The following SGCD variants were observed in gnomAD, a reference collection of about 807,000 sequenced individuals.
SGCD encodes delta-sarcoglycan.
SGCD carries 18 observed loss-of-function variants against 36.6 expected under a neutral mutation model. The observed-to-expected ratio is 0.49, with a 90% confidence interval of 0.34 to 0.73. The LOEUF (loss-of-function observed/expected upper bound fraction) is 0.73. SGCD is among the 30% of genes least tolerant of loss of function. SGCD has a pLI of 0.01. For missense variants in SGCD, 387 were observed against 346.7 expected (o/e 1.12, Z -0.92); for synonymous variants, 133 against 130.6 (o/e 1.02, Z -0.12).
intron 4 of SGCD, among the ~76,000 whole-genome samples, chr5:156,571,701 A>T (rs1314158551): frequency 6.6e-6 from 1 of 152,186 alleles, no homozygotes; most frequent in Non-Finnish European, 1.5e-5. Context: ...GGTAGTTAGT[A>T]TTTCTGCTTC....
intron 1 of SGCD, among the ~76,000 whole-genome samples, chr5:155,881,742 G>A (rs769104266): frequency 1.3e-5 from 2 of 152,166 alleles, no homozygotes; most frequent in Non-Finnish European, 2.9e-5. Flanking sequence ...TGATCCTCTC[G>A]AATCCTGCTG....
In SGCD at chr5:156,163,079, G is replaced by A. The variant is rs184904064; in HGVS notation, c.-44+39060G>A. Among the ~76,000 whole-genome samples the A allele has an allele frequency of 6.1e-3, 924 of 151,582 alleles. 7 individuals are homozygous for A. The highest frequency in any genetic ancestry group is 9.5e-3 in the Non-Finnish European group (648 of 68,008). On this transcript the variant is annotated intron_variant, in intron 3 of 9. Transcript: ENST00000517913. ...TTTCTTTCTTAAGGTGCATTGCAGA[G>A]ACTTTTAAATTCAATAGCCAAACAT...
chr5:155,762,127 T>G, the SGCD span, among the ~76,000 whole-genome samples: 2 of 152,184 alleles, frequency 1.3e-5, no homozygotes, highest in Non-Finnish European at 2.9e-5. Context: ...CCATGCTAAG[T>G]GTGATTATAC....
At chr5:155,982,968 T>C (rs550970245) in intron 1 of SGCD, among the ~76,000 whole-genome samples, 10 of 152,330 alleles carry the variant, frequency 6.6e-5, no homozygotes, top group African/African-American at 1.9e-4. Flanking sequence ...GGATTTTCTA[T>C]AGGCAGGATC....
intron 3 of SGCD, among the ~76,000 whole-genome samples, chr5:156,268,483 C>T (rs1766060602): frequency 6.6e-6 from 1 of 152,208 alleles, no homozygotes; most frequent in African/African-American, 2.4e-5. Flanking sequence ...TACAACCTCA[C>T]CAGCATCTGT....
intron 3 of SGCD, among the ~76,000 whole-genome samples, chr5:156,426,192 TC>T (rs1773664547): frequency 1.3e-5 from 2 of 152,070 alleles, no homozygotes; most frequent in Non-Finnish European, 2.9e-5. Flanking sequence ...GTAAAGGAGT[TC>T]CCTTTGCACC....
At chr5:156,096,566 A>G (rs563014687) in intron 1 of SGCD, among the ~76,000 whole-genome samples, 7 of 152,168 alleles carry the variant, frequency 4.6e-5, no homozygotes, top group Admixed American at 1.3e-4. Context: ...CCTTGGCCCA[A>G]TCAGGTTGTA....
chr5:156,466,120 T>A (rs1561713902), intron 3 of SGCD, among the ~76,000 whole-genome samples: 1 of 152,202 alleles, frequency 6.6e-6, no homozygotes, highest in Admixed American at 6.5e-5. Context: ...GGAAGGCAGC[T>A]TAAATTATTT....
chr5:155,939,677 A>G (rs1265862023), intron 1 of SGCD, among the ~76,000 whole-genome samples: 1 of 151,516 alleles, frequency 6.6e-6, no homozygotes, highest in Non-Finnish European at 1.5e-5. Flanking sequence ...AATGAAAAAA[A>G]TCTCATGCCC....
At chr5:155,833,895 A>C in the SGCD span, among the ~76,000 whole-genome samples, 3 of 152,218 alleles carry the variant, frequency 2.0e-5, no homozygotes, top group African/African-American at 7.2e-5. Flanking sequence ...AGAATGCAAA[A>C]TGATTAACAG....
In SGCD at chr5:156,484,921, C is replaced by A. The variant is rs186103653; in HGVS notation, c.193-23680C>A. On this transcript the variant is annotated intron_variant, in intron 3 of 8. Coordinates refer to ENST00000337851, the MANE Select transcript of SGCD (RefSeq NM_000337.6). ...TGTTGCTGGAAATGTTCCCACTGGC[C>A]AATTCATATCTCCTGAATAATAGGA... is the stretch of plus-strand genomic sequence containing the variant. 3.1e-3 allele frequency among the ~76,000 whole-genome samples: 472 copies of A among 152,082 alleles called. 4 individuals are homozygous for A. Among genetic ancestry groups the A allele is most frequent in the African/African-American group, 0.011 (450 of 41,468 alleles).
chr5:156,729,333 G>A (rs1436319279), intron 7 of SGCD, among the ~76,000 whole-genome samples: 1 of 152,148 alleles, frequency 6.6e-6, no homozygotes, highest in East Asian at 1.9e-4. Context: ...TTGACAGTAA[G>A]GCCTTAGTTT....
At chr5:156,745,176 A>G (rs562051494) in intron 7 of SGCD, among the ~76,000 whole-genome samples, 3 of 152,304 alleles carry the variant, frequency 2.0e-5, no homozygotes, top group South Asian at 4.1e-4. Context: ...CCAAAGCCTC[A>G]GTGTAAGGGT....
intron 1 of SGCD, among the ~76,000 whole-genome samples, chr5:156,071,292 A>C (rs1760553427): frequency 6.6e-6 from 1 of 152,068 alleles, no homozygotes; most frequent in Non-Finnish European, 1.5e-5. Context: ...CCCTCTACAC[A>C]CTGCTTTGAA....
chr5:155,994,036 A>G (rs1401226366), intron 1 of SGCD, among the ~76,000 whole-genome samples: 1 of 152,198 alleles, frequency 6.6e-6, no homozygotes, highest in African/African-American at 2.4e-5. Context: ...TGGAAAATAC[A>G]ATCTGTCCCC....
chr5:156,463,765 C>T (rs899962335), intron 3 of SGCD, among the ~76,000 whole-genome samples: 7 of 152,038 alleles, frequency 4.6e-5, no homozygotes, highest in East Asian at 3.9e-4. Context: ...GAGGCCCAGA[C>T]GGGAGGATTG....
intron 3 of SGCD, among the ~76,000 whole-genome samples, chr5:156,437,448 T>C (rs1753290593): frequency 6.6e-6 from 1 of 152,154 alleles, no homozygotes; most frequent in African/African-American, 2.4e-5. Context: ...CAGTCTTATT[T>C]TGAAATCACG....
rs1198904722 is a variant in SGCD, at chr5:156,344,581, A to G, written c.96A>G (p.Lys32=). The G allele has an allele frequency of 1.2e-6, 2 of 1,612,684 alleles. No individual in the cohort carries two copies. Among genetic ancestry groups the G allele is most frequent in the Middle Eastern group, 1.6e-4 (1 of 6,062 alleles). The change falls in exon 3 of 9, where the codon AAA becomes AAG. Residue 32 remains lysine (K), a synonymous_variant. Coordinates refer to ENST00000337851, the MANE Select transcript of SGCD (RefSeq NM_000337.6). ...AGGTGGGGATTTATGGCTGGCGGAA[A>G]CGATGCCTGTATTTCTTTGTCCTGC... ...VYKVGIYGWR[K]RCLYFFVLLL...
At chr5:155,807,356 C>G in the SGCD span, among the ~76,000 whole-genome samples, 1 of 152,162 alleles carries the variant, frequency 6.6e-6, no homozygotes, top group Non-Finnish European at 1.5e-5. Flanking sequence ...TGAGGAAGCT[C>G]CTTGAAGGCA....
Sources: allele counts gnomAD v4.1 joint callset (sites outside exome capture counted in the v4.1 genomes callset), GRCh38; gene constraint gnomAD v4.1.1; transcripts MANE v1.5; gene names NCBI Gene and HGNC (gene_info 2026-07-23, HGNC 2026-07-21).